AKT3: variants seen among roughly 807,000 people sequenced by gnomAD.
The protein encoded by AKT3 is RAC-gamma serine/threonine-protein kinase.
AKT3 carries 15 observed loss-of-function variants against 65.3 expected under a neutral mutation model. The observed-to-expected ratio is 0.23, with a 90% CI of 0.15 to 0.35. The LOEUF (loss-of-function observed/expected upper bound fraction) is 0.35. AKT3 is among the 10% of genes least tolerant of loss of function. AKT3 has a pLI of 1.00. For synonymous variants in AKT3, 206 were observed against 183.8 expected (o/e 1.12, Z -0.98); for missense variants, 243 against 576.5 (o/e 0.42, Z 5.92).
intron 3 of AKT3, among the ~76,000 whole-genome samples, chr1:243,671,109 C>T (rs1302357498): frequency 2.1e-5 from 3 of 145,002 alleles, no homozygotes; most frequent in African/African-American, 7.8e-5. Context: ...GACGGAGTCT[C>T]GCTCTGTTGC....
At chr1:243,822,638 G>T (rs1175641921) in intron 2 of AKT3, among the ~76,000 whole-genome samples, 1 of 152,064 alleles carries the variant, frequency 6.6e-6, no homozygotes, top group African/African-American at 2.4e-5. Flanking sequence ...TACCATCAGA[G>T]AATACTATAA....
chr1:243,645,326 A>G (rs1394242328), intron 5 of AKT3, among the ~76,000 whole-genome samples: 1 of 152,192 alleles, frequency 6.6e-6, no homozygotes, highest in Non-Finnish European at 1.5e-5. Context: ...TGCAATGAAA[A>G]AATTTATATT....
chr1:243,654,845 TTC>T (rs1284210801), intron 4 of AKT3, among the ~76,000 whole-genome samples: 3 of 152,166 alleles, frequency 2.0e-5, no homozygotes, highest in African/African-American at 7.2e-5. Flanking sequence ...AAACATTTTT[TTC>T]TCTGTCTACA....
intron 1 of AKT3, among the ~76,000 whole-genome samples, chr1:243,845,886 TCCCTGC>T (rs1178647409): frequency 6.6e-6 from 1 of 152,090 alleles, no homozygotes; most frequent in East Asian, 1.9e-4. Context: ...GAAACTTGAG[TCCCTGC>T]CCCACCCAGA....
intron 2 of AKT3, chr1:243,793,431 C>T (rs145901791): frequency 3.0e-4 from 45 of 152,102 alleles, no homozygotes; most frequent in African/African-American, 8.9e-4. Flanking sequence ...ATGCTGCAGG[C>T]TCTAGAAAAC....
At chr1:243,560,137 C>A (rs1351762239) in intron 10 of AKT3, among the ~76,000 whole-genome samples, 4 of 152,130 alleles carry the variant, frequency 2.6e-5, no homozygotes, top group Non-Finnish European at 5.9e-5. Context: ...ACCCTCCCTG[C>A]AGGCTTAAGC....
At chr1:243,705,309 A>C (rs542758553) in intron 2 of AKT3, among the ~76,000 whole-genome samples, 233 of 152,282 alleles carry the variant, frequency 1.5e-3, no homozygotes, top group Non-Finnish European at 2.8e-3. Context: ...TTGAATACCA[A>C]CCACAAGATG....
intron 2 of AKT3, among the ~76,000 whole-genome samples, chr1:243,758,889 A>G (rs1318985257): frequency 6.6e-6 from 1 of 152,158 alleles, no homozygotes; most frequent in Admixed American, 6.5e-5. Flanking sequence ...GGTTGGGGAC[A>G]CCTCATCTAG....
chr1:243,689,654 G>A (rs945524246), intron 3 of AKT3, among the ~76,000 whole-genome samples: 1 of 151,998 alleles, frequency 6.6e-6, no homozygotes. Flanking sequence ...AGAAAAGTCG[G>A]TTAGAGAGTA....
At chr1:243,582,565 T>C (rs1361154797) in intron 8 of AKT3, among the ~76,000 whole-genome samples, 1 of 151,832 alleles carries the variant, frequency 6.6e-6, no homozygotes, top group Non-Finnish European at 1.5e-5. Flanking sequence ...CACAAAGGAA[T>C]TTGTTACAAC....
In AKT3 at chr1:243,501,023, C is replaced by T. The variant is rs1432470625; in HGVS notation, c.*4226G>A. Reference sequence around the variant, plus strand: ...TATAGAGGTCACTTTTTTTTAGCCTCCTGGATCTGTCAACCCCAGTGGTTT... The same window carrying T: ...TATAGAGGTCACTTTTTTTTAGCCTTCTGGATCTGTCAACCCCAGTGGTTT... On this transcript the variant is annotated 3_prime_UTR_variant, in exon 14 of 14. Coordinates refer to ENST00000673466, the MANE Select transcript of AKT3 (RefSeq NM_005465.7). 4.8e-5 allele frequency: 11 copies of T among 229,860 alleles called. No individual in the cohort carries two copies. In the East Asian group the frequency reaches 6.8e-4, roughly 14 times the overall value. 14.2% of individuals were successfully genotyped at this position (229,860 alleles called of 1,614,324 possible). A position where few individuals can be genotyped will look rare whatever the true frequency, so the allele number is the denominator to read the frequency against.
intron 2 of AKT3, among the ~76,000 whole-genome samples, chr1:243,815,288 G>T (rs139078273): frequency 6.6e-6 from 1 of 152,114 alleles, no homozygotes; most frequent in African/African-American, 2.4e-5. Context: ...TCCTTAGCTA[G>T]ATCACTTCAT....
intron 11 of AKT3, among the ~76,000 whole-genome samples, chr1:243,552,171 C>A (rs1471454942): frequency 6.6e-6 from 1 of 151,234 alleles, no homozygotes; most frequent in East Asian, 2.0e-4. Context: ...TGCCTGTAGT[C>A]CCAGCCACTC....
intron 13 of AKT3, among the ~76,000 whole-genome samples, chr1:243,490,213 T>C (rs1666055453): frequency 1.3e-5 from 2 of 152,200 alleles, no homozygotes; most frequent in Admixed American, 6.5e-5. Flanking sequence ...CTGCCAAACA[T>C]GTGTTCACAG....
chr1:243,792,056 A>C (rs1322471942), intron 2 of AKT3, among the ~76,000 whole-genome samples: 1 of 152,180 alleles, frequency 6.6e-6, no homozygotes, highest in Non-Finnish European at 1.5e-5. Context: ...AAAACATTTG[A>C]TCTAGGGGTC....
Position 243,775,474 on chromosome 1 carries a change from C to T in AKT3, c.46+67651G>A, listed in dbSNP as rs551021134. ...GGATTACGGGCATGAGCCACTGCGCCCGGCCAGTTCTAACCCAAATTCTAA... is the reference window on the plus strand; with the variant it reads ...GGATTACGGGCATGAGCCACTGCGCTCGGCCAGTTCTAACCCAAATTCTAA... On this transcript the variant is annotated intron_variant, in intron 2 of 13. Coordinates refer to ENST00000673466, the MANE Select transcript of AKT3 (RefSeq NM_005465.7). Among the ~76,000 whole-genome samples, 26 of 152,272 alleles carry T rather than the reference C, an allele frequency of 1.7e-4. No homozygotes were observed. In the South Asian group the frequency reaches 4.6e-3, roughly 27 times the overall value.
chr1:243,660,915 C>A (rs1206381045), intron 4 of AKT3, among the ~76,000 whole-genome samples: 1 of 151,044 alleles, frequency 6.6e-6, no homozygotes, highest in African/African-American at 2.4e-5. Flanking sequence ...TATACACCAA[C>A]AACAGACAGA....
At chr1:243,608,490 T>C (rs1396004271) in intron 8 of AKT3, among the ~76,000 whole-genome samples, 1 of 152,082 alleles carries the variant, frequency 6.6e-6, no homozygotes, top group African/African-American at 2.4e-5. Context: ...AAAAACTTGA[T>C]ATAAAAAGAT....
intron 8 of AKT3, among the ~76,000 whole-genome samples, chr1:243,606,980 G>C (rs991516578): frequency 2.6e-5 from 4 of 152,254 alleles, no homozygotes; most frequent in Non-Finnish European, 2.9e-5. Flanking sequence ...TGTGGTGTTG[G>C]TCCTGCTGGT....
Sources: gnomAD v4.1 joint callset for allele counts (sites outside exome capture counted in the v4.1 genomes callset) on GRCh38, gnomAD v4.1.1 for gene constraint, MANE v1.5 for transcripts, NCBI Gene and HGNC (gene_info 2026-07-23, HGNC 2026-07-21) for gene names.